Variants in SLC9C1 observed in about 807,000 individuals in gnomAD.
SLC9C1 encodes the protein sodium/hydrogen exchanger 10.
Under a neutral mutation model 140.9 loss-of-function variants are expected in SLC9C1, and 97 were observed. That is an observed-to-expected ratio of 0.69 (90% CI 0.58 to 0.82). SLC9C1 has a LOEUF of 0.82. Ranked by LOEUF, SLC9C1 falls within the 40% of genes least tolerant of loss-of-function variation. The pLI, the probability that SLC9C1 is intolerant of heterozygous loss-of-function variation, is 0.00. For missense variants in SLC9C1, 1,340 were observed against 1,389.3 expected (o/e 0.96, Z 0.56); for synonymous variants, 440 against 442.6 (o/e 0.99, Z 0.07).
chr3:112,277,918 A>G (rs536744750), intron 4 of SLC9C1, 58 bp from the exon 5 acceptor site: 1 of 1,410,472 alleles, frequency 7.1e-7, no homozygotes, highest in Admixed American at 2.0e-5. Context: ...CATTTTAAGA[A>G]GAAAATAATC....
chr3:112,198,410 CTT>C (rs2077819883), intron 20 of SLC9C1, among the ~76,000 whole-genome samples: 1 of 151,734 alleles, frequency 6.6e-6, no homozygotes, highest in Non-Finnish European at 1.5e-5. Context: ...TTTCAATTTT[CTT>C]TCTTTTTTTT....
chr3:112,249,623 G>A (rs1458551820), intron 10 of SLC9C1, among the ~76,000 whole-genome samples: 1 of 152,048 alleles, frequency 6.6e-6, no homozygotes, highest in Non-Finnish European at 1.5e-5. Flanking sequence ...TTTGGAACTC[G>A]TTATTGGTCT....
intron 28 of SLC9C1, among the ~76,000 whole-genome samples, chr3:112,145,778 C>T (rs907497873): frequency 3.9e-5 from 6 of 151,904 alleles, no homozygotes; most frequent in African/African-American, 1.5e-4. Context: ...TAAATTCCCA[C>T]ATGTTGTGGG....
At chr3:112,218,373 A>T (rs2078445321) in intron 14 of SLC9C1, among the ~76,000 whole-genome samples, 1 of 152,148 alleles carries the variant, frequency 6.6e-6, no homozygotes, top group Non-Finnish European at 1.5e-5. Context: ...AGGGCATTGG[A>T]AACCCAAGTT....
intron 20 of SLC9C1, 49 bp from the exon 21 acceptor site, chr3:112,182,307 G>T (rs374372836): frequency 2.6e-6 from 4 of 1,557,674 alleles, no homozygotes; most frequent in African/African-American, 2.8e-5. Flanking sequence ...GCTGTTCCCA[G>T]AATGTTTAAG....
At chr3:112,178,998 G>A (rs1387824302) in intron 23 of SLC9C1, among the ~76,000 whole-genome samples, 1 of 152,152 alleles carries the variant, frequency 6.6e-6, no homozygotes. Flanking sequence ...AGCAACCTCA[G>A]TAGAAATTTT....
chr3:112,272,852 C>T (rs975558431), intron 6 of SLC9C1, among the ~76,000 whole-genome samples: 2 of 152,110 alleles, frequency 1.3e-5, no homozygotes, highest in Non-Finnish European at 1.5e-5. Context: ...AATAGAAATT[C>T]TCACATAGTA....
At chr3:112,142,600 T>C (rs1189716065) in intron 28 of SLC9C1, among the ~76,000 whole-genome samples, 2 of 152,314 alleles carry the variant, frequency 1.3e-5, no homozygotes, top group East Asian at 3.9e-4. Flanking sequence ...GTATTACTTT[T>C]TTGAGGTAAA....
intron 10 of SLC9C1, among the ~76,000 whole-genome samples, chr3:112,249,550 C>A (rs1411251518): frequency 2.0e-5 from 3 of 151,866 alleles, no homozygotes; most frequent in Non-Finnish European, 2.9e-5. Context: ...CTTTAAAGTA[C>A]AATTCATCTA....
chr3:112,234,218 T>G (rs1235944712), intron 12 of SLC9C1, among the ~76,000 whole-genome samples: 10 of 152,240 alleles, frequency 6.6e-5, no homozygotes, highest in Non-Finnish European at 1.5e-4. Context: ...TGATTTGCAT[T>G]TCTCTGATGA....
intron 2 of SLC9C1, among the ~76,000 whole-genome samples, chr3:112,281,054 T>C (rs1222738785): frequency 6.6e-6 from 1 of 152,314 alleles, no homozygotes; most frequent in Non-Finnish European, 1.5e-5. Flanking sequence ...TGGGTTACTA[T>C]TGAAATATTT....
chr3:112,202,815 C>CT (rs1342337577), intron 17 of SLC9C1, among the ~76,000 whole-genome samples: 142 of 152,082 alleles, frequency 9.3e-4, no homozygotes, highest in African/African-American at 3.2e-3. Flanking sequence ...GAAACCACCA[C>CT]AACCATACTG....
At chr3:112,147,459 G>A (rs1348198205) in intron 28 of SLC9C1, 2 of 371,946 alleles carry the variant, frequency 5.4e-6, no homozygotes, top group Non-Finnish European at 1.1e-5. Context: ...TCTCTTAACA[G>A]TCTCTTGTAA....
intron 16 of SLC9C1, among the ~76,000 whole-genome samples, chr3:112,204,664 A>G (rs995942779): frequency 1.1e-4 from 17 of 152,216 alleles, no homozygotes; most frequent in Middle Eastern, 3.4e-3. Flanking sequence ...TGACACCAGT[A>G]AAAAGTAGCG....
chr3:112,212,096 G>C (rs1048005826), intron 15 of SLC9C1, among the ~76,000 whole-genome samples: 8 of 152,164 alleles, frequency 5.3e-5, no homozygotes, highest in African/African-American at 7.2e-5. Flanking sequence ...AGGCAAACAG[G>C]GTCTGGAGTG....
rs11462109 is a variant in SLC9C1, at chr3:112,288,042, CAAAAAAAAAAAAAA to C, written c.-87-1178_-87-1165del. On this transcript the variant is annotated intron_variant, in intron 1 of 28. Coordinates refer to ENST00000305815, the MANE Select transcript of SLC9C1 (RefSeq NM_183061.3). The stretch of plus-strand genomic sequence containing the variant: ...TGGGCCACAGAGCAAGACTCCGTCT[CAAAAAAAAAAAAAA>C]AAAAAAAAGGAAAAGGAAAAGAAAT... 1.8e-4 allele frequency among the ~76,000 whole-genome samples: 15 copies of C among 81,830 alleles called. 1 individual carries two copies. Among genetic ancestry groups the C allele is most frequent in the Admixed American group, 1.1e-3 (7 of 6,136 alleles). The allele number at this position is 81,830 out of a possible 152,430, so 53.7% of individuals were successfully genotyped here. A position where few individuals can be genotyped will look rare whatever the true frequency, so the allele number is the denominator to read the frequency against.
intron 11 of SLC9C1, among the ~76,000 whole-genome samples, chr3:112,243,206 A>G (rs376766813): frequency 4.7e-4 from 71 of 152,326 alleles, no homozygotes; most frequent in African/African-American, 1.6e-3. Flanking sequence ...AAAAAGATAC[A>G]TTCACTTGTA....
chr3:112,179,832 T>C, intron 22 of SLC9C1, 131 bp from the exon 23 acceptor site: 3 of 691,890 alleles, frequency 4.3e-6, no homozygotes, highest in Non-Finnish European at 6.5e-6. Flanking sequence ...ATAAATATTT[T>C]ATTTCTTTTT....
rs181184304 is a variant in SLC9C1 at position 112,147,564 on chromosome 3, T to C, written c.3524+4293A>G. The C allele has an allele frequency of 1.7e-3, 632 of 374,318 alleles. 1 individual carries two copies. Among genetic ancestry groups the C allele is most frequent in the Non-Finnish European group, 2.8e-3 (532 of 190,948 alleles). 23.2% of individuals were successfully genotyped at this position (374,318 alleles called of 1,614,324 possible). On this transcript the variant is annotated intron_variant, in intron 28 of 28. Transcript: ENST00000305815. ...AAGCTTAGTTTGGCAGGATATGAAA[T>C]TCTTGGTTGGAATTTTCTTTCTTTC...
Sources: gnomAD v4.1 joint callset for allele counts (sites outside exome capture counted in the v4.1 genomes callset) on GRCh38, gnomAD v4.1.1 for gene constraint, MANE v1.5 for transcripts, NCBI Gene and HGNC (gene_info 2026-07-23, HGNC 2026-07-21) for gene names.